The following L2HGDH variants were observed in gnomAD, a reference collection of about 807,000 sequenced individuals.
L2HGDH encodes the protein L-2-hydroxyglutarate dehydrogenase, also known as L-2-hydroxyglutarate dehydrogenase, mitochondrial.
A neutral mutation model predicts 51.5 loss-of-function variants in L2HGDH; 34 were observed. The ratio of observed to expected loss-of-function variants is 0.66; its 90% CI spans 0.50 to 0.88. The LOEUF is 0.88. L2HGDH is among the 40% of genes least tolerant of loss of function. The pLI is 0.00. For synonymous variants in L2HGDH, 198 were observed against 197.9 expected, an observed-to-expected ratio of 1.00 and a Z score of -0.01; for missense variants, 558 against 571.9, an observed-to-expected ratio of 0.98 and a Z score of 0.25.
intron 9 of L2HGDH, among the ~76,000 whole-genome samples, chr14:50,258,226 T>A (rs555397014): frequency 1.3e-5 from 2 of 151,758 alleles, no homozygotes; most frequent in Admixed American, 1.3e-4. Flanking sequence ...GGTTATTTTA[T>A]TTTTTTTAGA....
intron 4 of L2HGDH, chr14:50,287,468 A>C: frequency 4.6e-6 from 1 of 218,878 alleles, no homozygotes; most frequent in Non-Finnish European, 7.7e-6. Flanking sequence ...CCAGCAGCTC[A>C]GATGTACTTT....
At chr14:50,284,131 G>A in intron 4 of L2HGDH, 98 bp from the exon 5 acceptor site, 1 of 1,207,404 alleles carries the variant, frequency 8.3e-7, no homozygotes, top group South Asian at 1.3e-5. Context: ...CTTTAGAGGA[G>A]TTGATTTTGC....
chr14:50,243,136 A>C lies in L2HGDH; in HGVS notation c.*3922T>G. 2.0e-6 allele frequency: 2 copies of C among 985,466 alleles called. No homozygotes were observed. The highest frequency in any genetic ancestry group is 2.4e-6 in the Non-Finnish European group (2 of 829,948). The allele number at this position is 985,466 out of a possible 1,614,324, so 61.0% of individuals were successfully genotyped here. ...CTGCCAACAGTAAAGGCAACTCCCC[A>C]AACAGTGCTAATGCTGAGAGGATCA... On this transcript the variant is annotated 3_prime_UTR_variant, in exon 10 of 10. Coordinates refer to ENST00000267436, the MANE Select transcript of L2HGDH (RefSeq NM_024884.3).
chr14:50,245,551 AT>A lies in L2HGDH; in HGVS notation c.*1506del, dbSNP rs1274624854. ...TTATTCAAACTACTCAAAAATGTAA[AT>A]TTTATGTATTTTCTTGAAATCATGA... On this transcript the variant is annotated 3_prime_UTR_variant, in exon 10 of 10. Coordinates refer to ENST00000267436, the MANE Select transcript of L2HGDH (RefSeq NM_024884.3). The A allele has an allele frequency of 4.1e-6, 4 of 966,344 alleles. No homozygotes were observed. Among genetic ancestry groups the A allele is most frequent in the Non-Finnish European group, 4.9e-6 (4 of 812,650 alleles). 59.9% of individuals were successfully genotyped at this position (966,344 alleles called of 1,614,324 possible).
intron 5 of L2HGDH, 44 bp from the exon 6 acceptor site, chr14:50,278,598 C>T (rs1175215550): frequency 9.7e-7 from 1 of 1,035,062 alleles, no homozygotes; most frequent in East Asian, 2.5e-5. Flanking sequence ...TAGCAAAAGG[C>T]CAACATTATT....
At chr14:50,282,414 A>C in intron 5 of L2HGDH, 6 of 455,216 alleles carry the variant, frequency 1.3e-5, no homozygotes, top group South Asian at 9.3e-5. Flanking sequence ...CATTCTAACC[A>C]CCAATTTCTG....
rs1887860341 is a variant in L2HGDH, at chr14:50,243,009, T to G, written c.*4049A>C. On this transcript the variant is annotated 3_prime_UTR_variant, in exon 10 of 10. Transcript: ENST00000267436. ...TCCCGTAGGCCAGGGCCTGGCAGTA[T>G]ACCCCATTCTCACCACCATCCTTTG... The G allele has an allele frequency of 1.0e-6, 1 of 985,302 alleles. No homozygotes were observed. Among genetic ancestry groups the G allele is most frequent in the Admixed American group, 6.2e-5 (1 of 16,256 alleles). The allele number at this position is 985,302 out of a possible 1,614,324, so 61.0% of individuals were successfully genotyped here.
chr14:50,244,265 T>G lies in L2HGDH; in HGVS notation c.*2793A>C, dbSNP rs918636636. On this transcript the variant is annotated 3_prime_UTR_variant, in exon 10 of 10. Transcript: ENST00000267436. ...TCCCTGAGGAATCGCCACACTGACT[T>G]CCACAATGGTTGAACTAGTTTACAG... 3 of 412,062 alleles carry G rather than the reference T, an allele frequency of 7.3e-6. No homozygotes were observed. Among genetic ancestry groups the G allele is most frequent in the African/African-American group, 6.5e-5 (3 of 46,122 alleles). The allele number at this position is 412,062 out of a possible 1,614,324, so 25.5% of individuals were successfully genotyped here. A position where few individuals can be genotyped will look rare whatever the true frequency, so the allele number is the denominator to read the frequency against.
chr14:50,301,188 A>G (rs1414778080), intron 3 of L2HGDH, among the ~76,000 whole-genome samples: 1 of 152,244 alleles, frequency 6.6e-6, no homozygotes, highest in Non-Finnish European at 1.5e-5. Context: ...GTTGGCAAGG[A>G]CATGGAAAAT....
At chr14:50,294,336 G>A (rs2029908820) in intron 3 of L2HGDH, 90 bp from the exon 4 acceptor site, 3 of 1,341,530 alleles carry the variant, frequency 2.2e-6, no homozygotes, top group South Asian at 2.4e-5. Context: ...ATCAACTATT[G>A]TATGACCCAA....
At chr14:50,273,850 C>A (rs1253643045) in intron 6 of L2HGDH, among the ~76,000 whole-genome samples, 1 of 152,102 alleles carries the variant, frequency 6.6e-6, no homozygotes, top group East Asian at 1.9e-4. Flanking sequence ...GGAGCCAAGG[C>A]GGGTAGATCA....
chr14:50,304,751 C>A (rs1030009898), intron 1 of L2HGDH, among the ~76,000 whole-genome samples: 1 of 152,070 alleles, frequency 6.6e-6, no homozygotes, highest in African/African-American at 2.4e-5. Flanking sequence ...AGGAGAATGG[C>A]GTGAACCCAG....
intron 1 of L2HGDH, among the ~76,000 whole-genome samples, chr14:50,310,646 G>A (rs186656469): frequency 3.0e-4 from 46 of 152,252 alleles, no homozygotes; most frequent in African/African-American, 9.4e-4. Context: ...GGAGGCTGCA[G>A]TGAGCTATGA....
chr14:50,300,789 G>A (rs901289192), intron 3 of L2HGDH, among the ~76,000 whole-genome samples: 1 of 152,024 alleles, frequency 6.6e-6, no homozygotes, highest in African/African-American at 2.4e-5. Context: ...GCAAGATCCT[G>A]TCTCAACTTT....
At position 50,245,902 on chromosome 14, in the gene L2HGDH, A is replaced by G; in HGVS notation, c.*1156T>C. ...TTTGGGAGGCTGAGGCAGGTGGATC[A>G]CCTGAGGTCAGGAATTCGAGACCAG... On this transcript the variant is annotated 3_prime_UTR_variant, in exon 10 of 10. Coordinates refer to ENST00000267436, the MANE Select transcript of L2HGDH (RefSeq NM_024884.3). 1.4e-6 allele frequency: 1 copy of G among 736,986 alleles called. No individual in the cohort carries two copies. Among genetic ancestry groups the G allele is most frequent in the Non-Finnish European group, 1.7e-6 (1 of 603,026 alleles). The allele number at this position is 736,986 out of a possible 1,614,324, so 45.7% of individuals were successfully genotyped here.
chr14:50,264,022 G>A (rs998579662), intron 9 of L2HGDH, among the ~76,000 whole-genome samples: 86 of 150,510 alleles, frequency 5.7e-4, no homozygotes, highest in African/African-American at 1.8e-3. Context: ...TGATCCACCC[G>A]CCTCAGCCTC....
Position 50,268,482 on chromosome 14 carries a change from T to A in L2HGDH, c.907-572A>T, listed in dbSNP as rs1040688. On this transcript the variant is annotated intron_variant, in intron 7 of 9. Coordinates refer to ENST00000267436, the MANE Select transcript of L2HGDH (RefSeq NM_024884.3). Reference sequence around the variant, plus strand: ...TAAAGGAAAAAAAAAAGATGAACTGTCTTACTTCAGGCTATTCTCGGTCTT... The same window carrying A: ...TAAAGGAAAAAAAAAAGATGAACTGACTTACTTCAGGCTATTCTCGGTCTT... 6.9e-3 allele frequency among the ~76,000 whole-genome samples: 1,049 copies of A among 151,584 alleles called. 14 individuals carry two copies. Among genetic ancestry groups the A allele is most frequent in the South Asian group, 0.034 (164 of 4,800 alleles).
intron 1 of L2HGDH, among the ~76,000 whole-genome samples, chr14:50,307,218 T>C (rs2030784261): frequency 6.6e-6 from 1 of 152,208 alleles, no homozygotes; most frequent in Non-Finnish European, 1.5e-5. Context: ...GATATTGTCT[T>C]TGCAGATTAT....
chr14:50,309,561 T>A (rs1324161272), intron 1 of L2HGDH, among the ~76,000 whole-genome samples: 3 of 145,572 alleles, frequency 2.1e-5, no homozygotes. Context: ...GACTTCGTGT[T>A]AAAAAAAAAA....
Sources: gnomAD v4.1 joint callset for allele counts (sites outside exome capture counted in the v4.1 genomes callset) on GRCh38, gnomAD v4.1.1 for gene constraint, MANE v1.5 for transcripts, NCBI Gene and HGNC (gene_info 2026-07-23, HGNC 2026-07-21) for gene names.